The following TBC1D5 variants were observed in gnomAD, a reference collection of about 807,000 sequenced individuals.
TBC1D5 encodes TBC1 domain family, member 5.
TBC1D5 carries 75 observed loss-of-function variants against 100.3 expected under a neutral mutation model. The observed-to-expected ratio is 0.75, with a 90% CI of 0.62 to 0.91. The LOEUF (loss-of-function observed/expected upper bound fraction) is 0.91, where lower values mean the gene tolerates loss of function less well. TBC1D5 is among the 40% of genes least tolerant of loss of function. The pLI is 0.00. For synonymous variants in TBC1D5, 323 were observed against 325.6 expected (o/e 0.99, Z 0.09); for missense variants, 910 against 942.4 (o/e 0.97, Z 0.45).
At chr3:17,425,621 C>A (rs1468486542) in intron 4 of TBC1D5, among the ~76,000 whole-genome samples, 1 of 151,994 alleles carries the variant, frequency 6.6e-6, no homozygotes, top group Non-Finnish European at 1.5e-5. Context: ...AGAGTGAGAC[C>A]CTGTCTCAAA....
chr3:17,554,617 C>T (rs1435466345), intron 2 of TBC1D5, among the ~76,000 whole-genome samples: 1 of 152,150 alleles, frequency 6.6e-6, no homozygotes. Flanking sequence ...AATATATATA[C>T]ATTCTTTATT....
intron 4 of TBC1D5, among the ~76,000 whole-genome samples, chr3:17,425,848 G>T (rs2094322875): frequency 6.6e-6 from 1 of 152,072 alleles, no homozygotes; most frequent in South Asian, 2.1e-4. Flanking sequence ...GATCACAAAA[G>T]AATTAATACT....
At chr3:17,352,425 T>A (rs1375174786) in intron 13 of TBC1D5, among the ~76,000 whole-genome samples, 1 of 152,032 alleles carries the variant, frequency 6.6e-6, no homozygotes, top group Non-Finnish European at 1.5e-5. Context: ...TTCTACATTA[T>A]TTTTTAAAAT....
intron 4 of TBC1D5, among the ~76,000 whole-genome samples, chr3:17,406,944 AT>A (rs1324640498): frequency 5.9e-5 from 9 of 152,104 alleles, no homozygotes; most frequent in Non-Finnish European, 1.2e-4. Flanking sequence ...TCTTTAAATG[AT>A]CCGATTTCTC....
rs545790614 is a variant in TBC1D5, at chr3:17,634,522, C to T, written c.-100-10609G>A. ...CTCACTTATTTGTGGGATCTAAAAA[C>T]CAAAACAATTGAACCCATGGAGGTA... On this transcript the variant is annotated intron_variant, in intron 1 of 21. Coordinates refer to ENST00000253692, the Ensembl canonical transcript of TBC1D5. 8.7e-5 allele frequency among the ~76,000 whole-genome samples: 13 copies of T among 150,174 alleles called. No individual in the cohort carries two copies. The South Asian group carries it at 2.1e-3, about 24-fold the overall frequency.
At chr3:17,645,920 C>T (rs751166393) in intron 1 of TBC1D5, among the ~76,000 whole-genome samples, 5 of 152,096 alleles carry the variant, frequency 3.3e-5, no homozygotes, top group Admixed American at 6.6e-5. Flanking sequence ...CTACTCTATA[C>T]TGATTCAAAG....
At chr3:17,161,207 A>T in exon 22 of TBC1D5, 1 of 1,614,174 alleles carries the variant, frequency 6.2e-7, no homozygotes, top group South Asian at 1.1e-5. Context: ...AATCAGGATG[A>T]AGTCATCGGA....
At chr3:17,695,052 A>G (rs1226529714) in intron 1 of TBC1D5, among the ~76,000 whole-genome samples, 1 of 152,194 alleles carries the variant, frequency 6.6e-6, no homozygotes, top group Non-Finnish European at 1.5e-5. Flanking sequence ...ATGCTGAGAG[A>G]TTCTGTCACC....
intron 13 of TBC1D5, among the ~76,000 whole-genome samples, chr3:17,358,388 G>A (rs1206491447): frequency 1.3e-5 from 2 of 152,044 alleles, no homozygotes; most frequent in Non-Finnish European, 2.9e-5. Flanking sequence ...GTTCCTCCAC[G>A]TTGGTCAGGC....
intron 2 of TBC1D5, among the ~76,000 whole-genome samples, chr3:17,563,967 A>C (rs905064954): frequency 2.6e-5 from 4 of 152,128 alleles, no homozygotes; most frequent in African/African-American, 9.7e-5. Flanking sequence ...TATTTTTAGT[A>C]GAGACGGGGT....
intron 15 of TBC1D5, among the ~76,000 whole-genome samples, chr3:17,275,742 C>T (rs943749965): frequency 2.6e-5 from 4 of 152,114 alleles, no homozygotes; most frequent in African/African-American, 9.7e-5. Context: ...CAAAGAGGCA[C>T]ATATGGGCAA....
At chr3:17,720,321 A>AT (rs1450883076) in intron 1 of TBC1D5, among the ~76,000 whole-genome samples, 5 of 152,214 alleles carry the variant, frequency 3.3e-5, no homozygotes, top group African/African-American at 9.6e-5. Flanking sequence ...AGTTTCAAAG[A>AT]TAAAAACCTC....
At chr3:17,301,335 C>T (rs756803174) in intron 14 of TBC1D5, among the ~76,000 whole-genome samples, 1 of 152,140 alleles carries the variant, frequency 6.6e-6, no homozygotes, top group Non-Finnish European at 1.5e-5. Flanking sequence ...GTAGGCCATG[C>T]TTTCTTTGAA....
chr3:17,178,100 C>CT (rs1179185943), intron 19 of TBC1D5, among the ~76,000 whole-genome samples: 5 of 143,422 alleles, frequency 3.5e-5, no homozygotes, highest in Admixed American at 7.1e-5. Context: ...GAGTCTCGCT[C>CT]TGTCGCCCAG....
At chr3:17,337,447 A>G (rs1453333449) in intron 13 of TBC1D5, 1 of 152,188 alleles carries the variant, frequency 6.6e-6, no homozygotes, top group Admixed American at 6.5e-5. Flanking sequence ...AAGAAAGCCT[A>G]TAGCTCCAAA....
At chr3:17,442,916 G>C (rs1282643624) in intron 3 of TBC1D5, among the ~76,000 whole-genome samples, 1 of 151,840 alleles carries the variant, frequency 6.6e-6, no homozygotes, top group Non-Finnish European at 1.5e-5. Flanking sequence ...GAAGTGGGAG[G>C]GGAGGAAGAG....
chr3:17,419,869 T>C (rs2094166943), intron 4 of TBC1D5, among the ~76,000 whole-genome samples: 1 of 152,052 alleles, frequency 6.6e-6, no homozygotes, highest in South Asian at 2.1e-4. Context: ...TATTTATTTA[T>C]TTGTCTGTTT....
intron 14 of TBC1D5, among the ~76,000 whole-genome samples, chr3:17,297,600 G>GAGAC (rs1307666194): frequency 5.3e-5 from 8 of 151,740 alleles, no homozygotes; most frequent in African/African-American, 1.5e-4. Flanking sequence ...TTCTTTTTTG[G>GAGAC]AGACACATCT....
intron 2 of TBC1D5, among the ~76,000 whole-genome samples, chr3:17,533,889 C>CAGATAGATAGATAGATAGAT (rs575715302): frequency 0.031 from 4,775 of 151,922 alleles, 148 homozygotes; most frequent in African/African-American, 0.074. Context: ...ACCTATCATT[C>CAGATAGATAGATAGATAGAT]AGATAGATAG....
Sources: gnomAD v4.1 joint callset for allele counts (sites outside exome capture counted in the v4.1 genomes callset) on GRCh38, gnomAD v4.1.1 for gene constraint, MANE v1.5 for transcripts, NCBI Gene and HGNC (gene_info 2026-07-23, HGNC 2026-07-21) for gene names.